Variants in MAML2 observed in about 807,000 individuals in gnomAD.
MAML2 encodes the protein mastermind like transcriptional coactivator 2.
In MAML2, 22 loss-of-function variants were observed where a neutral mutation model predicts 96.1. The observed-to-expected ratio is 0.23, with a 90% confidence interval of 0.16 to 0.33. The LOEUF is 0.33. Ranked by LOEUF, MAML2 falls within the 10% of genes least tolerant of loss-of-function variation. The pLI is 1.00. For missense variants in MAML2, 1,367 were observed against 1,392.4 expected (o/e 0.98, Z 0.29); for synonymous variants, 561 against 521.3 (o/e 1.08, Z -1.04).
intron 2 of MAML2, among the ~76,000 whole-genome samples, chr11:96,004,504 T>C (rs1451958235): frequency 6.6e-6 from 1 of 152,160 alleles, no homozygotes; most frequent in Non-Finnish European, 1.5e-5. Flanking sequence ...GACAATTGTA[T>C]AGACTACTTT....
At chr11:96,230,571 G>A (rs898575815) in intron 1 of MAML2, among the ~76,000 whole-genome samples, 4 of 152,144 alleles carry the variant, frequency 2.6e-5, no homozygotes, top group African/African-American at 4.8e-5. Context: ...ATGGGTAAAC[G>A]AATACACAGA....
intron 1 of MAML2, among the ~76,000 whole-genome samples, chr11:96,200,099 G>C (rs1861796076): frequency 1.3e-5 from 2 of 152,084 alleles, no homozygotes; most frequent in Admixed American, 1.3e-4. Context: ...TAGTATCAGA[G>C]GAATTTAGTT....
At chr11:96,195,097 T>A (rs1287459791) in intron 1 of MAML2, among the ~76,000 whole-genome samples, 1 of 152,232 alleles carries the variant, frequency 6.6e-6, no homozygotes, top group African/African-American at 2.4e-5. Context: ...GTCTTTCTAC[T>A]TCACATTTTA....
At chr11:96,040,067 G>A (rs80319210) in intron 2 of MAML2, among the ~76,000 whole-genome samples, 15,700 of 151,948 alleles carry the variant, frequency 0.1, 1,031 homozygotes, top group East Asian at 0.22. Flanking sequence ...TCAAACCGGG[G>A]TTCCCTTTAG....
chr11:96,052,660 C>T (rs1859006092), intron 2 of MAML2, among the ~76,000 whole-genome samples: 1 of 152,180 alleles, frequency 6.6e-6, no homozygotes, highest in Admixed American at 6.5e-5. Flanking sequence ...TGTGTCAATG[C>T]CATTTGGATC....
At chr11:96,030,582 A>G (rs561884995) in intron 2 of MAML2, among the ~76,000 whole-genome samples, 2 of 152,338 alleles carry the variant, frequency 1.3e-5, no homozygotes, top group South Asian at 2.1e-4. Context: ...TGGCATCCCC[A>G]AATATAGAAT....
intron 1 of MAML2, among the ~76,000 whole-genome samples, chr11:96,211,559 T>C (rs1346157036): frequency 6.6e-6 from 1 of 152,112 alleles, no homozygotes; most frequent in African/African-American, 2.4e-5. Flanking sequence ...AATACTGACT[T>C]GCAGGGGCCC....
intron 1 of MAML2, among the ~76,000 whole-genome samples, chr11:96,303,613 T>C (rs1337007665): frequency 6.6e-6 from 1 of 152,222 alleles, no homozygotes; most frequent in Non-Finnish European, 1.5e-5. Context: ...CTTTGAGCTG[T>C]TTCAATGCCA....
chr11:96,003,927 C>T (rs1858137403), intron 2 of MAML2, among the ~76,000 whole-genome samples: 1 of 152,056 alleles, frequency 6.6e-6, no homozygotes, highest in East Asian at 1.9e-4. Flanking sequence ...AATGTTCTCA[C>T]TTAAACTTAG....
chr11:96,078,823 T>C lies in MAML2; in HGVS notation c.2139+13069A>G, dbSNP rs186105396. On this transcript the variant is annotated intron_variant, in intron 2 of 4. Transcript: ENST00000524717. ...ACTAAAAAGTAATGATTCTACCTTC[T>C]TTCATTCATTTTAAATCCTATCCTA... Among the ~76,000 whole-genome samples the C allele has an allele frequency of 2.8e-3, 430 of 152,362 alleles. 2 individuals are homozygous for C. The highest frequency in any genetic ancestry group is 9.9e-3 in the African/African-American group (410 of 41,578).
intron 1 of MAML2, among the ~76,000 whole-genome samples, chr11:96,170,791 T>C (rs1043030525): frequency 6.6e-6 from 1 of 152,178 alleles, no homozygotes; most frequent in Non-Finnish European, 1.5e-5. Flanking sequence ...CTTGGCTCAC[T>C]GCAAGCTCCG....
At chr11:96,000,785 T>C (rs917330498) in intron 2 of MAML2, among the ~76,000 whole-genome samples, 6 of 152,176 alleles carry the variant, frequency 3.9e-5, no homozygotes, top group African/African-American at 1.4e-4. Flanking sequence ...GTCACACACC[T>C]AACTGAGAGA....
intron 1 of MAML2, among the ~76,000 whole-genome samples, chr11:96,300,860 C>T (rs1222728563): frequency 6.6e-6 from 1 of 152,116 alleles, no homozygotes; most frequent in Non-Finnish European, 1.5e-5. Flanking sequence ...AAAGCACAAA[C>T]TTTGGAATTA....
intron 1 of MAML2, among the ~76,000 whole-genome samples, chr11:96,153,429 C>A (rs1860958885): frequency 6.6e-6 from 1 of 152,126 alleles, no homozygotes; most frequent in Admixed American, 6.5e-5. Context: ...CCTATTGAAT[C>A]TTGCCTTTCT....
At chr11:96,038,362 A>G (rs1858752508) in intron 2 of MAML2, among the ~76,000 whole-genome samples, 1 of 152,222 alleles carries the variant, frequency 6.6e-6, no homozygotes, top group South Asian at 2.1e-4. Flanking sequence ...GTGAAACTAG[A>G]TTTTGCGTAA....
chr11:96,182,302 T>C (rs564950329), intron 1 of MAML2, among the ~76,000 whole-genome samples: 1 of 152,344 alleles, frequency 6.6e-6, no homozygotes, highest in Admixed American at 6.5e-5. Flanking sequence ...AAATTTTAGG[T>C]ACTCCTAGTC....
At chr11:96,253,262 T>C (rs1862611845) in intron 1 of MAML2, among the ~76,000 whole-genome samples, 1 of 152,222 alleles carries the variant, frequency 6.6e-6, no homozygotes. Context: ...CATCTTTTGA[T>C]TTACTCTAGT....
chr11:96,169,325 C>T (rs1040868288), intron 1 of MAML2, among the ~76,000 whole-genome samples: 3 of 152,220 alleles, frequency 2.0e-5, no homozygotes, highest in Non-Finnish European at 2.9e-5. Flanking sequence ...AATGAAAAAG[C>T]ACACCTGAAA....
intron 2 of MAML2, among the ~76,000 whole-genome samples, chr11:96,054,296 T>G (rs1470401617): frequency 2.0e-5 from 3 of 152,212 alleles, no homozygotes; most frequent in South Asian, 4.1e-4. Context: ...TGCCTTAACT[T>G]TTTAAATAGC....
Sources: allele counts gnomAD v4.1 joint callset (sites outside exome capture counted in the v4.1 genomes callset), GRCh38; gene constraint gnomAD v4.1.1; transcripts MANE v1.5; gene names NCBI Gene and HGNC (gene_info 2026-07-23, HGNC 2026-07-21).